The following DIAPH2 variants were observed in gnomAD, a reference collection of about 807,000 sequenced individuals.
DIAPH2 encodes diaphanous related formin 2, also known as protein diaphanous homolog 2.
DIAPH2 carries 35 observed loss-of-function variants against 92.7 expected under a neutral mutation model. The ratio of observed to expected loss-of-function variants is 0.38; its 90% confidence interval spans 0.29 to 0.50. The LOEUF (loss-of-function observed/expected upper bound fraction) is 0.50, where lower values mean the gene tolerates loss of function less well. DIAPH2 is among the 20% of genes least tolerant of loss of function. DIAPH2 has a pLI of 0.94. For missense variants in DIAPH2, 701 were observed against 819.5 expected, an observed-to-expected ratio of 0.86 and a Z score of 1.77; for synonymous variants, 301 against 280.4, an observed-to-expected ratio of 1.07 and a Z score of -0.73.
At chrX:97,445,338 C>T (rs1469365059) in intron 26 of DIAPH2, among the ~76,000 whole-genome samples, 2 of 111,377 alleles carry the variant, frequency 1.8e-5, no homozygotes, top group Admixed American at 9.5e-5. Flanking sequence ...GCTTTTTGCG[C>T]ACTACTTTCC....
chrX:97,033,009 T>G (rs2066387023), intron 17 of DIAPH2, among the ~76,000 whole-genome samples: 1 of 111,643 alleles, frequency 9.0e-6, no homozygotes, highest in Admixed American at 9.5e-5. Flanking sequence ...AAGGAACATG[T>G]GTAAACCATT....
At chrX:96,897,168 A>G (rs1052912888) in intron 5 of DIAPH2, among the ~76,000 whole-genome samples, 37 of 111,541 alleles carry the variant, frequency 3.3e-4, no homozygotes, top group Non-Finnish European at 3.6e-4. Context: ...AGAAATTTTT[A>G]AAAGATTATT....
intron 1 of DIAPH2, among the ~76,000 whole-genome samples, chrX:96,699,340 C>T (rs2063842229): frequency 8.9e-6 from 1 of 111,818 alleles, no homozygotes. Flanking sequence ...AAGGATATAG[C>T]ATTCCCATGT....
intron 1 of DIAPH2, among the ~76,000 whole-genome samples, chrX:96,730,794 C>T (rs770156219): frequency 5.1e-4 from 57 of 111,202 alleles, no homozygotes; most frequent in Non-Finnish European, 9.8e-4. Context: ...TTATGTCACT[C>T]GTGTCCATGT....
intron 16 of DIAPH2, among the ~76,000 whole-genome samples, chrX:96,962,070 A>G (rs1305538528): frequency 1.9e-5 from 2 of 106,561 alleles, no homozygotes; most frequent in East Asian, 5.9e-4. Flanking sequence ...TCCAATGTTT[A>G]TTTGTTGATT....
At chrX:97,313,425 T>C (rs772017035) in intron 23 of DIAPH2, among the ~76,000 whole-genome samples, 1 of 111,767 alleles carries the variant, frequency 8.9e-6, no homozygotes, top group African/African-American at 3.2e-5. Flanking sequence ...GTTTGAAAAA[T>C]GTGATTTCAA....
intron 22 of DIAPH2, among the ~76,000 whole-genome samples, chrX:97,190,546 G>A (rs1285766125): frequency 8.9e-6 from 1 of 111,989 alleles, no homozygotes; most frequent in Non-Finnish European, 1.9e-5. Flanking sequence ...TTGCTCCTTA[G>A]TTAGCAAGAC....
intron 4 of DIAPH2, among the ~76,000 whole-genome samples, chrX:96,822,203 C>T (rs1208951504): frequency 9.0e-6 from 1 of 111,473 alleles, no homozygotes; most frequent in African/African-American, 3.3e-5. Context: ...ATCAAATTTA[C>T]ATTAAACTCT....
At chrX:96,934,877 TAGTA>T (rs1202819644) in intron 10 of DIAPH2, among the ~76,000 whole-genome samples, 1 of 111,264 alleles carries the variant, frequency 9.0e-6, no homozygotes, top group Non-Finnish European at 1.9e-5. Context: ...AGGAAAAACA[TAGTA>T]AGAAATGGTG....
chrX:97,273,514 A>G (rs750948633), intron 23 of DIAPH2, among the ~76,000 whole-genome samples: 1 of 112,017 alleles, frequency 8.9e-6, no homozygotes, highest in Admixed American at 9.5e-5. Flanking sequence ...TTTCATATCC[A>G]TTAAGTGGTA....
In DIAPH2 at chrX:97,366,408, T is replaced by A. The variant is rs138693715; in HGVS notation, c.3010-17501T>A. On this transcript the variant is annotated intron_variant, in intron 24 of 26. Transcript: ENST00000324765. ...TCTACTTTCACTCCATCACTCTAAG[T>A]TGTGAAATCCCAAAGTGAGCTATAT... Among the ~76,000 whole-genome samples, 210 of 112,257 alleles carry A rather than the reference T, an allele frequency of 1.9e-3. 1 individual carries two copies. The highest frequency in any genetic ancestry group is 6.4e-3 in the African/African-American group (198 of 30,958).
intron 22 of DIAPH2, among the ~76,000 whole-genome samples, chrX:97,246,360 A>G (rs5921698): frequency 0.023 from 2,592 of 112,336 alleles, 29 homozygotes; most frequent in Middle Eastern, 0.041. Flanking sequence ...TAAATAAAGC[A>G]AGCAATGATT....
chrX:97,236,537 T>C (rs2068048392), intron 22 of DIAPH2, among the ~76,000 whole-genome samples: 1 of 109,040 alleles, frequency 9.2e-6, no homozygotes, highest in African/African-American at 3.3e-5. Context: ...CCTTTTTTTT[T>C]CATTTTCATT....
chrX:97,147,199 T>C (rs1257287587), intron 22 of DIAPH2, among the ~76,000 whole-genome samples: 1 of 111,242 alleles, frequency 9.0e-6, no homozygotes, highest in Non-Finnish European at 1.9e-5. Context: ...CTCTTGTCAT[T>C]TTATTCTTGG....
intron 25 of DIAPH2, among the ~76,000 whole-genome samples, chrX:97,407,527 C>T (rs2069822357): frequency 2.7e-5 from 3 of 112,166 alleles, no homozygotes; most frequent in East Asian, 5.6e-4. Flanking sequence ...TTGGAAACTA[C>T]GTAGGAGTTT....
intron 17 of DIAPH2, among the ~76,000 whole-genome samples, chrX:97,036,452 G>T (rs1216325052): frequency 1.8e-5 from 2 of 111,859 alleles, no homozygotes; most frequent in Admixed American, 1.9e-4. Context: ...GCAAGAAATA[G>T]AATATTTCTG....
At chrX:97,060,817 A>C (rs1419414977) in intron 17 of DIAPH2, among the ~76,000 whole-genome samples, 7 of 112,424 alleles carry the variant, frequency 6.2e-5, no homozygotes, top group Admixed American at 1.9e-4. Context: ...TTCTCACAGA[A>C]GACGGAGTTT....
At chrX:97,467,462 C>CT (rs1007488355) in intron 26 of DIAPH2, among the ~76,000 whole-genome samples, 1 of 111,671 alleles carries the variant, frequency 9.0e-6, no homozygotes, top group Admixed American at 9.6e-5. Flanking sequence ...GAAGAATCCT[C>CT]TAAATGTGAC....
intron 24 of DIAPH2, among the ~76,000 whole-genome samples, chrX:97,355,880 G>A (rs2069261714): frequency 8.9e-6 from 1 of 111,833 alleles, no homozygotes; most frequent in African/African-American, 3.2e-5. Context: ...GCAACTGAGT[G>A]CCTTTATTCT....
Sources: gnomAD v4.1 joint callset for allele counts (sites outside exome capture counted in the v4.1 genomes callset) on GRCh38, gnomAD v4.1.1 for gene constraint, MANE v1.5 for transcripts, NCBI Gene and HGNC (gene_info 2026-07-23, HGNC 2026-07-21) for gene names.